GKAP1: variants seen among roughly 807,000 people sequenced by gnomAD.
The protein encoded by GKAP1 is G kinase anchoring protein 1.
In GKAP1, 31 loss-of-function variants were observed where a neutral mutation model predicts 56.7. The ratio of observed to expected loss-of-function variants is 0.55; its 90% CI spans 0.41 to 0.74. GKAP1 has a LOEUF of 0.74. Ranked by LOEUF, GKAP1 falls within the 30% of genes least tolerant of loss-of-function variation. The pLI, the probability that GKAP1 is intolerant of heterozygous loss-of-function variation, is 0.00. For missense variants in GKAP1, 364 were observed against 402.3 expected, an observed-to-expected ratio of 0.90 and a Z score of 0.82; for synonymous variants, 151 against 138.6, an observed-to-expected ratio of 1.09 and a Z score of -0.63.
intron 3 of GKAP1, among the ~76,000 whole-genome samples, chr9:83,804,897 G>A (rs1298055595): frequency 4.0e-5 from 6 of 150,052 alleles, no homozygotes; most frequent in African/African-American, 1.5e-4. Flanking sequence ...GGTGAGGGGC[G>A]CCTCTGCCCG....
At chr9:83,806,631 AC>A in intron 2 of GKAP1, 71 bp from the exon 3 acceptor site, 1 of 823,276 alleles carries the variant, frequency 1.2e-6, no homozygotes, top group Non-Finnish European at 1.9e-6. Context: ...TTCTAAAACA[AC>A]CATATGTAGA....
intron 12 of GKAP1, among the ~76,000 whole-genome samples, chr9:83,741,022 A>G (rs1943197824): frequency 6.6e-6 from 1 of 152,150 alleles, no homozygotes. Context: ...TGTATTAAAA[A>G]CAAGATTTAT....
intron 4 of GKAP1, among the ~76,000 whole-genome samples, chr9:83,791,134 GGC>G (rs1564207405): frequency 6.6e-6 from 1 of 152,156 alleles, no homozygotes. Context: ...CAGGCGTGGT[GGC>G]TCATGCCTGT....
intron 4 of GKAP1, among the ~76,000 whole-genome samples, chr9:83,795,104 C>T (rs1013170163): frequency 6.9e-6 from 1 of 145,464 alleles, no homozygotes; most frequent in Non-Finnish European, 1.5e-5. Flanking sequence ...CACAGTGAGC[C>T]GAGATTGTGC....
chr9:83,748,195 C>A, intron 10 of GKAP1, 114 bp downstream of exon 10: 1 of 632,204 alleles, frequency 1.6e-6, no homozygotes, highest in Non-Finnish European at 2.8e-6. Context: ...ACTATAGTCA[C>A]CCTATTGTGC....
At chr9:83,783,743 A>C (rs944808409) in intron 6 of GKAP1, among the ~76,000 whole-genome samples, 1 of 152,246 alleles carries the variant, frequency 6.6e-6, no homozygotes, top group Non-Finnish European at 1.5e-5. Flanking sequence ...ACTGTAAGCC[A>C]AATCAGTTTA....
At chr9:83,748,665 A>G (rs1943335025) in intron 9 of GKAP1, 1 of 195,688 alleles carries the variant, frequency 5.1e-6, no homozygotes, top group African/African-American at 2.3e-5. Flanking sequence ...TTTCTTCCTC[A>G]GATAAAACCC....
chr9:83,804,544 C>T (rs1372602214), intron 3 of GKAP1, among the ~76,000 whole-genome samples: 2 of 77,380 alleles, frequency 2.6e-5, no homozygotes, highest in Non-Finnish European at 5.3e-5. Flanking sequence ...GCCCCCCGCC[C>T]AGCCAGACGC....
intron 10 of GKAP1, among the ~76,000 whole-genome samples, chr9:83,746,650 C>T (rs1943300100): frequency 1.3e-5 from 2 of 151,988 alleles, no homozygotes; most frequent in African/African-American, 2.4e-5. Context: ...TTGCAGTGAG[C>T]GCCACCACAC....
intron 3 of GKAP1, among the ~76,000 whole-genome samples, chr9:83,800,421 C>T (rs1288039324): frequency 4.0e-5 from 6 of 151,406 alleles, no homozygotes; most frequent in Admixed American, 4.0e-4. Context: ...GTAACCTCCG[C>T]CTCCCAGGTT....
At chr9:83,751,574 TAGA>T (rs755809860) in intron 9 of GKAP1, among the ~76,000 whole-genome samples, 18 of 151,986 alleles carry the variant, frequency 1.2e-4, no homozygotes, top group African/African-American at 3.9e-4. Flanking sequence ...AAGGCATGAG[TAGA>T]AGAAGAAGGG....
In GKAP1 at chr9:83,779,640, CAT is replaced by C. The variant is rs377018522; in HGVS notation, c.585+740_585+741del. ...ACACACACACACACACACACACACA[CAT>C]TCTAAAGTGAAATCGAGGACCATCT... On this transcript the variant is annotated intron_variant, in intron 7 of 12. Coordinates refer to ENST00000376371, the MANE Select transcript of GKAP1 (RefSeq NM_025211.4). Among the ~76,000 whole-genome samples, 106 of 136,802 alleles carry C rather than the reference CAT, an allele frequency of 7.7e-4. 1 individual carries two copies. The highest frequency in any genetic ancestry group is 2.9e-3 in the African/African-American group (97 of 33,708). The allele number at this position is 136,802 out of a possible 152,430, so 89.7% of individuals were successfully genotyped here.
chr9:83,814,261 T>C (rs1173937446), intron 2 of GKAP1, among the ~76,000 whole-genome samples: 1 of 152,352 alleles, frequency 6.6e-6, no homozygotes, highest in South Asian at 2.1e-4. Context: ...AGATTTTGCA[T>C]GTACTCCAAG....
chr9:83,804,831 G>T lies in GKAP1; in HGVS notation c.216+1471C>A, dbSNP rs144242977. Among the ~76,000 whole-genome samples the T allele has an allele frequency of 3.4e-3, 361 of 106,766 alleles. 22 individuals carry two copies. Among genetic ancestry groups the T allele is most frequent in the African/African-American group, 0.014 (347 of 25,372 alleles). The allele number at this position is 106,766 out of a possible 152,430, so 70.0% of individuals were successfully genotyped here. ...GCCCCTCTGCCTGGTCAGCCGCCCC[G>T]TCCGGGAGGGAGGTGGGGGGTCAGC... On this transcript the variant is annotated intron_variant, in intron 3 of 12. Transcript: ENST00000376371.
rs1291785481 is a variant in GKAP1 at position 83,779,604 on chromosome 9, T to TAC, written c.585+776_585+777dup. 3.5e-3 allele frequency among the ~76,000 whole-genome samples: 325 copies of TAC among 93,530 alleles called. 7 individuals carry two copies. Among genetic ancestry groups the TAC allele is most frequent in the African/African-American group, 5.8e-3 (157 of 26,984 alleles). The allele number at this position is 93,530 out of a possible 152,430, so 61.4% of individuals were successfully genotyped here. On this transcript the variant is annotated intron_variant, in intron 7 of 12. Coordinates refer to ENST00000376371, the MANE Select transcript of GKAP1 (RefSeq NM_025211.4). ...ATATACACGTATATGTGTATATATA[T>TAC]ACACATATACACACACACACACACA... is the stretch of plus-strand genomic sequence containing the variant.
chr9:83,792,938 A>C, intron 4 of GKAP1: 1 of 1,106,648 alleles, frequency 9.0e-7, no homozygotes, highest in South Asian at 1.7e-5. Flanking sequence ...ACAGAATTCA[A>C]GAAGATACTT....
intron 2 of GKAP1, among the ~76,000 whole-genome samples, chr9:83,810,043 C>G (rs867824095): frequency 6.6e-6 from 1 of 152,136 alleles, no homozygotes; most frequent in African/African-American, 2.4e-5. Context: ...AACTCCTGGG[C>G]TCAAGTGATC....
intron 2 of GKAP1, among the ~76,000 whole-genome samples, chr9:83,813,493 C>T (rs1228446719): frequency 3.9e-5 from 6 of 152,162 alleles, no homozygotes; most frequent in Admixed American, 3.9e-4. Context: ...CAGTGGTGCA[C>T]ACCTGTAATT....
At chr9:83,765,438 T>TGGG (rs1472106326) in intron 8 of GKAP1, among the ~76,000 whole-genome samples, 1 of 152,182 alleles carries the variant, frequency 6.6e-6, no homozygotes, top group Non-Finnish European at 1.5e-5. Flanking sequence ...GAGTCCCTAC[T>TGGG]GGGGCACTGC....
Sources: allele counts gnomAD v4.1 joint callset (sites outside exome capture counted in the v4.1 genomes callset), GRCh38; gene constraint gnomAD v4.1.1; transcripts MANE v1.5; gene names NCBI Gene and HGNC (gene_info 2026-07-23, HGNC 2026-07-21).